Variants in DZIP1 observed in about 807,000 individuals in gnomAD.
DZIP1 encodes the protein DAZ interacting zinc finger protein 1.
In DZIP1, 97 loss-of-function variants were observed where a neutral mutation model predicts 107.6. The observed-to-expected ratio is 0.90, with a 90% confidence interval of 0.77 to 1.07. The LOEUF (loss-of-function observed/expected upper bound fraction) is 1.07, where lower values mean the gene tolerates loss of function less well. Ranked by LOEUF, DZIP1 falls within the 50% of genes least tolerant of loss-of-function variation. The pLI is 0.00. For synonymous variants in DZIP1, 390 were observed against 386.4 expected, an observed-to-expected ratio of 1.01 and a Z score of -0.11; for missense variants, 1,035 against 1,063.6, an observed-to-expected ratio of 0.97 and a Z score of 0.37.
Position 95,619,869 on chromosome 13 carries a change from G to A in DZIP1, c.1173+16C>T, listed in dbSNP as rs1479841774. The A allele has an allele frequency of 1.2e-6, 2 of 1,612,894 alleles. No individual in the cohort carries two copies. Among genetic ancestry groups the A allele is most frequent in the South Asian group, 1.1e-5 (1 of 90,840 alleles). ...AAAAAATGGCCCACTTTAGGCCACT[G>A]GTTTCTTAACCTTACCCGACCCTTC... On this transcript the variant is annotated intron_variant, in intron 10 of 22. Transcript: ENST00000376829.
At chr13:95,609,658 G>A (rs1252289987) in intron 12 of DZIP1, 145 bp from the exon 13 acceptor site, 3 of 456,134 alleles carry the variant, frequency 6.6e-6, no homozygotes, top group African/African-American at 2.0e-5. Flanking sequence ...ATAAATATGT[G>A]TAACATACAT....
intron 8 of DZIP1, 131 bp from the exon 9 acceptor site, chr13:95,622,611 A>G (rs1266258386): frequency 1.0e-6 from 1 of 964,594 alleles, no homozygotes; most frequent in African/African-American, 1.6e-5. Flanking sequence ...ACGCTCTTGG[A>G]CGCTTCTCCT....
Position 95,612,180 on chromosome 13 carries a change from GA to G in DZIP1, c.1174-4del. 2 of 1,603,564 alleles carry G rather than the reference GA, an allele frequency of 1.2e-6. No individual in the cohort carries two copies. ...AGTTTCTCTATATGTGACAGGAGCT[GA>G]AAAAAAGTTAAGAAAGGCATCCATC... is the stretch of plus-strand genomic sequence containing the variant. On this transcript the variant is annotated splice_region_variant and splice_polypyrimidine_tract_variant and intron_variant, in intron 10 of 22. Transcript: ENST00000376829.
At chr13:95,590,091 G>A (rs963443909) in intron 17 of DZIP1, among the ~76,000 whole-genome samples, 159 bp from the exon 18 acceptor site, 1 of 152,126 alleles carries the variant, frequency 6.6e-6, no homozygotes, top group Non-Finnish European at 1.5e-5. Flanking sequence ...TGTTTTTACT[G>A]TAAAAACAAA....
chr13:95,622,235 G>C (rs925152625), intron 9 of DZIP1, 108 bp downstream of exon 9: 1 of 1,393,792 alleles, frequency 7.2e-7, no homozygotes, highest in Non-Finnish European at 9.9e-7. Context: ...GTCACCTTCA[G>C]GGTTACTAAA....
intron 15 of DZIP1, among the ~76,000 whole-genome samples, chr13:95,594,657 T>A (rs1396263461): frequency 6.6e-6 from 1 of 152,092 alleles, no homozygotes; most frequent in African/African-American, 2.4e-5. Context: ...TATAAAAATT[T>A]TTTTTCAAAG....
chr13:95,625,002 C>T, intron 7 of DZIP1, 73 bp from the exon 8 acceptor site: 1 of 1,312,956 alleles, frequency 7.6e-7, no homozygotes, highest in Non-Finnish European at 1.0e-6. Context: ...AATAAAAGTT[C>T]ATAGCATCAC....
rs776940015 is a variant in DZIP1, at chr13:95,590,286, G to C, written c.1836C>G (p.Leu612=). 2 of 1,611,508 alleles carry C rather than the reference G, an allele frequency of 1.2e-6. No individual in the cohort carries two copies. Among genetic ancestry groups the C allele is most frequent in the East Asian group, 2.2e-5 (1 of 44,828 alleles). ...AGTGGGTAACAAGCTTACCTGAAGA[G>C]AGTAGTGCTTTCTCCTCAATTTTAC... ...VSCKIEEKAL[L]SSDQCSVSQM... Residue 612 remains leucine, a synonymous_variant, in exon 17 of 23, where the codon CTC becomes CTG. Coordinates refer to ENST00000376829, the MANE Select transcript of DZIP1 (RefSeq NM_198968.4).
At chr13:95,602,507 ATC>A (rs2044646196) in intron 14 of DZIP1, among the ~76,000 whole-genome samples, 1 of 152,194 alleles carries the variant, frequency 6.6e-6, no homozygotes, top group Non-Finnish European at 1.5e-5. Context: ...TCATTTCTAT[ATC>A]TCTGTCATGC....
At chr13:95,588,998 A>G (rs2044238953) in intron 19 of DZIP1, among the ~76,000 whole-genome samples, 156 bp downstream of exon 19, 1 of 152,204 alleles carries the variant, frequency 6.6e-6, no homozygotes, top group African/African-American at 2.4e-5. Context: ...AGAAACAAAG[A>G]CATGTCACAA....
intron 10 of DZIP1, among the ~76,000 whole-genome samples, chr13:95,617,117 G>A (rs956539219): frequency 2.0e-5 from 3 of 151,908 alleles, no homozygotes; most frequent in African/African-American, 4.8e-5. Flanking sequence ...CAGGAGAATC[G>A]CTTGAACCCA....
At chr13:95,611,005 A>G (rs2044985685) in intron 12 of DZIP1, among the ~76,000 whole-genome samples, 1 of 152,222 alleles carries the variant, frequency 6.6e-6, no homozygotes, top group Admixed American at 6.5e-5. Context: ...TAGCAGAGAA[A>G]ATAGACTGAA....
At chr13:95,603,557 GGT>G (rs1248112850) in intron 14 of DZIP1, among the ~76,000 whole-genome samples, 4 of 152,020 alleles carry the variant, frequency 2.6e-5, no homozygotes, top group Non-Finnish European at 4.4e-5. Flanking sequence ...CTAAGCAATT[GGT>G]GTATGGGTCA....
At chr13:95,622,109 T>C (rs952851579) in intron 9 of DZIP1, among the ~76,000 whole-genome samples, 1 of 152,170 alleles carries the variant, frequency 6.6e-6, no homozygotes, top group African/African-American at 2.4e-5. Context: ...ATTGACTTTA[T>C]GGAGAGAAGA....
intron 13 of DZIP1, among the ~76,000 whole-genome samples, chr13:95,607,844 G>C (rs181061094): frequency 6.6e-6 from 1 of 152,284 alleles, no homozygotes; most frequent in African/African-American, 2.4e-5. Flanking sequence ...TGACTGACTA[G>C]TGTCTAAATC....
chr13:95,625,327 T>C (rs1238550406), intron 7 of DZIP1, among the ~76,000 whole-genome samples: 1 of 152,152 alleles, frequency 6.6e-6, no homozygotes, highest in Non-Finnish European at 1.5e-5. Context: ...CCCCAGAAAA[T>C]ACAAATTCAG....
In DZIP1 at chr13:95,641,906, C is replaced by A. The variant is rs766635873; in HGVS notation, c.37-51G>T. On this transcript the variant is annotated intron_variant, in intron 4 of 22. Transcript: ENST00000376829. The surrounding 1 kb of genome is among the most constrained non-coding windows in gnomAD (Gnocchi z 4.3). ...GCGGGAGGCGGGGATGGGGGGCGGG[C>A]AGGCTGGGGAGCTGGGGGTCCGGGG... The A allele has an allele frequency of 2.2e-5, 32 of 1,430,342 alleles. No homozygotes were observed. The East Asian group carries it at 8.9e-4, about 40-fold the overall frequency. 88.6% of individuals were successfully genotyped at this position (1,430,342 alleles called of 1,614,324 possible). A position where few individuals can be genotyped will look rare whatever the true frequency, so the allele number is the denominator to read the frequency against.
chr13:95,641,734 C>T lies in DZIP1; in HGVS notation c.158G>A (p.Gly53Glu). The T allele has an allele frequency of 6.3e-7, 1 of 1,594,262 alleles. No individual in the cohort carries two copies. The highest frequency in any genetic ancestry group is 8.5e-7 in the Non-Finnish European group (1 of 1,175,806). Residue 53 changes from glycine to glutamate, a missense_variant, in exon 5 of 23, where the codon GGG becomes GAG. Gly to Glu is a moderately conservative substitution (Grantham distance 98). Transcript: ENST00000376829. The surrounding 1 kb of genome is among the most constrained non-coding windows in gnomAD (Gnocchi z 4.3). ...MACAPPSAAS[G>E]PLPFFQFRPR... ...CCTGAACTGGAAGAAGGGCAGGGGCCCCGAAGCCGCGCTGGGGGGCGCACA... is the reference window on the plus strand; with the variant it reads ...CCTGAACTGGAAGAAGGGCAGGGGCTCCGAAGCCGCGCTGGGGGGCGCACA...
intron 7 of DZIP1, among the ~76,000 whole-genome samples, chr13:95,625,497 C>T (rs560922174): frequency 5.3e-4 from 80 of 152,268 alleles, no homozygotes; most frequent in African/African-American, 1.9e-3. Context: ...ACATTCTTCT[C>T]AAGTGCACAT....
Sources: gnomAD v4.1 joint callset for allele counts (sites outside exome capture counted in the v4.1 genomes callset) on GRCh38, gnomAD v4.1.1 for gene constraint, Gnocchi (gnomAD v3.1) non-coding constraint, MANE v1.5 for transcripts, NCBI Gene and HGNC (gene_info 2026-07-23, HGNC 2026-07-21) for gene names.